CACNA1A: variants seen among roughly 807,000 people sequenced by gnomAD.
CACNA1A encodes the protein calcium voltage-gated channel subunit alpha1 A.
In CACNA1A, 57 loss-of-function variants were observed where a neutral mutation model predicts 262.4. The observed-to-expected ratio is 0.22, with a 90% CI of 0.18 to 0.27. CACNA1A has a LOEUF of 0.27. Among genes scored for constraint, CACNA1A ranks in the 10% least tolerant of loss-of-function variants. CACNA1A has a pLI of 1.00. For synonymous variants in CACNA1A, 1,431 were observed against 1,419.3 expected (o/e 1.01, Z -0.18); for missense variants, 2,526 against 3,562.8 (o/e 0.71, Z 7.41).
chr19:13,342,821 A>G (rs2058697682), intron 6 of CACNA1A, among the ~76,000 whole-genome samples: 1 of 152,222 alleles, frequency 6.6e-6, no homozygotes, highest in South Asian at 2.1e-4. Context: ...CTGGACATGT[A>G]GCATGAGCAG....
intron 36 of CACNA1A, chr19:13,228,557 T>C (rs1341244918): frequency 8.4e-6 from 2 of 237,474 alleles, no homozygotes; most frequent in South Asian, 1.8e-4. Flanking sequence ...AGTTTTCTAG[T>C]TTAATGCAAG....
chr19:13,433,595 G>T (rs1448335359), intron 3 of CACNA1A, among the ~76,000 whole-genome samples: 2 of 151,984 alleles, frequency 1.3e-5, no homozygotes, highest in African/African-American at 4.8e-5. Flanking sequence ...GTAGGCGGGG[G>T]ATGCAGGTCA....
At chr19:13,249,086 C>T (rs985992705) in intron 30 of CACNA1A, among the ~76,000 whole-genome samples, 3 of 152,056 alleles carry the variant, frequency 2.0e-5, no homozygotes, top group Non-Finnish European at 4.4e-5. Flanking sequence ...CTCCTGCCTT[C>T]GCCTAAGTAG....
chr19:13,299,150 T>C lies in CACNA1A; in HGVS notation c.2483A>G (p.Gln828Arg), dbSNP rs753196787. 18 of 1,613,180 alleles carry C rather than the reference T, an allele frequency of 1.1e-5. No homozygotes were observed. Among genetic ancestry groups the C allele is most frequent in the East Asian group, 4.5e-5 (2 of 44,882 alleles). The change falls in exon 19 of 47, where the codon CAG becomes CGG. Residue 828 changes from glutamine to arginine, a missense_variant. Gln to Arg is a conservative substitution (Grantham distance 43). This residue lies in a region of CACNA1A where 765 missense variants were observed against 748.6 expected (regional missense o/e 1.02). Coordinates refer to ENST00000360228, the MANE Select transcript of CACNA1A (RefSeq NM_001127222.2). Reference sequence around the variant, plus strand: ...GTTGGTGTTGTTGTTGCGGTTCTCCTGCGGGTCCACCACCAGCGGCCGGTC... The same window carrying C: ...GTTGGTGTTGTTGTTGCGGTTCTCCCGCGGGTCCACCACCAGCGGCCGGTC... The part of the protein sequence containing the change: ...HLDRPLVVDP[Q>R]ENRNNNTNKS...
intron 6 of CACNA1A, among the ~76,000 whole-genome samples, chr19:13,352,875 C>A (rs1001072139): frequency 6.6e-6 from 1 of 150,976 alleles, no homozygotes; most frequent in Non-Finnish European, 1.5e-5. Flanking sequence ...TGGGCTCAAT[C>A]GATTTTCCTG....
At chr19:13,496,782 C>A (rs1981582276) in intron 1 of CACNA1A, among the ~76,000 whole-genome samples, 1 of 152,140 alleles carries the variant, frequency 6.6e-6, no homozygotes. Context: ...CAAATATGGC[C>A]ACCCACATAA....
chr19:13,216,641 A>T (rs914460496), intron 38 of CACNA1A, among the ~76,000 whole-genome samples: 98 of 149,610 alleles, frequency 6.6e-4, no homozygotes, highest in Admixed American at 1.8e-3. Flanking sequence ...TATTTTTTTT[A>T]AAAATTTATC....
In CACNA1A at chr19:13,259,626, G is replaced by A. The variant is rs377083200; in HGVS notation, c.4326C>T (p.Tyr1442=). 5.6e-5 allele frequency: 90 copies of A among 1,610,416 alleles called. No individual in the cohort carries two copies. The highest frequency in any genetic ancestry group is 4.7e-4 in the South Asian group (42 of 90,170). ...TCAGCAGAGCCCACAGCACATTGTC[G>A]TAATGGAATTCATACTTCTTCCACT... is the stretch of plus-strand genomic sequence containing the variant. ...DREWKKYEFH[Y]DNVLWALLTL... is the part of the protein sequence containing the mutation. Residue 1442 remains tyrosine, a synonymous_variant, in exon 27 of 47, where the codon TAC becomes TAT. Coordinates refer to ENST00000360228, the MANE Select transcript of CACNA1A (RefSeq NM_001127222.2).
rs138439207 is a variant in CACNA1A, at chr19:13,430,331, C to T, written c.539+22545G>A. Among the ~76,000 whole-genome samples, 667 of 152,164 alleles carry T rather than the reference C, an allele frequency of 4.4e-3. 5 individuals are homozygous for T. The highest frequency in any genetic ancestry group is 0.015 in the African/African-American group (635 of 41,506). On this transcript the variant is annotated intron_variant, in intron 3 of 46. Transcript: ENST00000360228. Reference sequence around the variant, plus strand: ...AAGCGATTCTCCTGCCTCAGCCTCTCGAGTAGCTAGGACTACAGGCGTGCA... The same window carrying T: ...AAGCGATTCTCCTGCCTCAGCCTCTTGAGTAGCTAGGACTACAGGCGTGCA...
At chr19:13,414,756 G>C (rs976515796) in intron 3 of CACNA1A, among the ~76,000 whole-genome samples, 2 of 151,868 alleles carry the variant, frequency 1.3e-5, no homozygotes, top group Non-Finnish European at 2.9e-5. Context: ...CCAGGAGTTA[G>C]AGACCAGCCT....
rs2145245902 is a variant in CACNA1A at position 13,359,802 on chromosome 19, A to G, written c.785-3T>C. The G allele has an allele frequency of 6.7e-7, 1 of 1,503,250 alleles. No homozygotes were observed. Among genetic ancestry groups the G allele is most frequent in the Non-Finnish European group, 8.9e-7 (1 of 1,118,842 alleles). The allele number at this position is 1,503,250 out of a possible 1,614,324, so 93.1% of individuals were successfully genotyped here. A position where few individuals can be genotyped will look rare whatever the true frequency, so the allele number is the denominator to read the frequency against. The stretch of plus-strand genomic sequence containing the variant: ...CGGAGACTCACCCTGAATGTCATCT[A>G]CAAAAGGGAAGGGGAGAAAAGTCAG... On this transcript the variant is annotated splice_polypyrimidine_tract_variant and splice_region_variant and intron_variant, in intron 5 of 46. Transcript: ENST00000360228.
intron 25 of CACNA1A, chr19:13,262,516 T>A: frequency 1.9e-6 from 1 of 524,070 alleles, no homozygotes; most frequent in Non-Finnish European, 3.4e-6. Context: ...ACACTTCATC[T>A]AAAGAAAAAC....
At chr19:13,213,533 G>A (rs1336320345) in intron 40 of CACNA1A, among the ~76,000 whole-genome samples, 1 of 152,140 alleles carries the variant, frequency 6.6e-6, no homozygotes, top group African/African-American at 2.4e-5. Context: ...GCTCCCTGAG[G>A]GCAGGGATTC....
chr19:13,426,079 T>A (rs1260685507), intron 3 of CACNA1A, among the ~76,000 whole-genome samples: 1 of 148,772 alleles, frequency 6.7e-6, no homozygotes, highest in Non-Finnish European at 1.5e-5. Flanking sequence ...AAACAAAAAA[T>A]AGTGTCCCAT....
At chr19:13,322,875 T>C (rs1295170292) in intron 10 of CACNA1A, among the ~76,000 whole-genome samples, 1 of 152,206 alleles carries the variant, frequency 6.6e-6, no homozygotes, top group Non-Finnish European at 1.5e-5. Context: ...TTTGATCTCA[T>C]CTTAACTTGA....
chr19:13,208,196 GGAGGA>G (rs2054647182), intron 46 of CACNA1A, 143 bp from the exon 47 acceptor site: 1 of 199,410 alleles, frequency 5.0e-6, no homozygotes, highest in Non-Finnish European at 8.9e-6. Context: ...AGGAGGAGGA[GGAGGA>G]GAGGGGGGAC....
At chr19:13,363,742 C>T (rs1034005629) in intron 5 of CACNA1A, 2 of 152,184 alleles carry the variant, frequency 1.3e-5, no homozygotes, top group African/African-American at 4.8e-5. Flanking sequence ...CTCTGCCCAC[C>T]TGGGTTCCCC....
At chr19:13,213,672 C>CTTTTTTTTTTTTTTT (rs3050829) in intron 40 of CACNA1A, 2 of 87,686 alleles carry the variant, frequency 2.3e-5, no homozygotes, top group African/African-American at 9.2e-5. Context: ...TTGGCAAGAA[C>CTTTTTTTTTTTTTTT]TTTTTTTTTT....
chr19:13,241,485 T>C lies in CACNA1A; in HGVS notation c.4950+3697A>G. ...CGAGGAGATGCGTTCACAGTTAATG[T>C]AAGGCATTTAGACTTCAGAAAGAAG... On this transcript the variant is annotated intron_variant, in intron 31 of 46. Coordinates refer to ENST00000360228, the MANE Select transcript of CACNA1A (RefSeq NM_001127222.2). The surrounding 1 kb of genome is among the most constrained non-coding windows in gnomAD (Gnocchi z 4.0). 7.0e-7 allele frequency: 1 copy of C among 1,435,072 alleles called. No individual in the cohort carries two copies. The allele number at this position is 1,435,072 out of a possible 1,614,324, so 88.9% of individuals were successfully genotyped here.
Sources: gnomAD v4.1 joint callset for allele counts (sites outside exome capture counted in the v4.1 genomes callset) on GRCh38, gnomAD v4.1.1 for gene constraint, gnomAD v4.1.1 regional missense constraint, Gnocchi (gnomAD v3.1) non-coding constraint, MANE v1.5 for transcripts, NCBI Gene and HGNC (gene_info 2026-07-23, HGNC 2026-07-21) for gene names.